Variants in SNTB1 observed in about 807,000 individuals in gnomAD.
SNTB1 encodes the protein syntrophin beta 1, also known as beta-1-syntrophin.
In SNTB1, 36 loss-of-function variants were observed where a neutral mutation model predicts 48.9. That is an observed-to-expected ratio of 0.74 (90% CI 0.56 to 0.97). The LOEUF (loss-of-function observed/expected upper bound fraction) is 0.97. Ranked by LOEUF, SNTB1 falls within the 50% of genes least tolerant of loss-of-function variation. The probability of loss-of-function intolerance (pLI) is 0.00; values close to 1 mark genes in which losing one functional copy is unlikely to be tolerated. For synonymous variants in SNTB1, 299 were observed against 294.6 expected (o/e 1.01, Z -0.15); for missense variants, 786 against 703.4 (o/e 1.12, Z -1.33).
At chr8:120,716,837 T>C (rs1818566914) in intron 1 of SNTB1, among the ~76,000 whole-genome samples, 1 of 152,208 alleles carries the variant, frequency 6.6e-6, no homozygotes, top group Non-Finnish European at 1.5e-5. Context: ...TGGTTTGGGA[T>C]CTGCAAAATA....
chr8:120,579,978 A>G (rs1291711991), intron 3 of SNTB1, among the ~76,000 whole-genome samples: 1 of 152,208 alleles, frequency 6.6e-6, no homozygotes, highest in Non-Finnish European at 1.5e-5. Context: ...GGCAAGAATT[A>G]CTTGCCTTTG....
At chr8:120,759,332 T>C (rs747457197) in intron 1 of SNTB1, among the ~76,000 whole-genome samples, 19 of 152,154 alleles carry the variant, frequency 1.2e-4, no homozygotes, top group Non-Finnish European at 2.2e-4. Flanking sequence ...AACCTAGAAA[T>C]GTCCAAGCAT....
chr8:120,811,591 G>T lies in SNTB1; in HGVS notation c.253C>A (p.Pro85Thr). ...GHPGAGGAQPPDSPAGVRTAF... is the reference protein window; with the variant it reads ...GHPGAGGAQPTDSPAGVRTAF... ...GTGCGGACCCCGGCGGGCGAGTCCG[G>T]GGGCTGCGCGCCGCCCGCGCCCGGG... Residue 85 changes from proline (P) to threonine (T), a missense_variant, in exon 1 of 7, where the codon CCG becomes ACG. Physicochemically the swap from Pro to Thr is conservative, Grantham distance 38 (BLOSUM62 -1). Transcript: ENST00000517992. 1 of 1,566,326 alleles carries T rather than the reference G, an allele frequency of 6.4e-7. No homozygotes were observed.
intron 1 of SNTB1, among the ~76,000 whole-genome samples, chr8:120,705,051 C>T (rs2129901245): frequency 6.6e-6 from 1 of 152,278 alleles, no homozygotes; most frequent in South Asian, 2.1e-4. Context: ...TCAGCCTATA[C>T]CTGAAGTTCT....
intron 1 of SNTB1, among the ~76,000 whole-genome samples, chr8:120,727,984 C>T (rs759211809): frequency 4.6e-5 from 7 of 152,062 alleles, no homozygotes; most frequent in East Asian, 1.9e-4. Context: ...CCCTCTTGCA[C>T]GTTGCCTTTG....
At chr8:120,644,161 CT>C (rs60428616) in intron 2 of SNTB1, among the ~76,000 whole-genome samples, 16 of 147,570 alleles carry the variant, frequency 1.1e-4, no homozygotes, top group Admixed American at 2.0e-4. Context: ...GGAAATCATT[CT>C]TTTTTTTTTT....
chr8:120,584,438 CAAAAAAAAAA>C (rs11443743), intron 3 of SNTB1, among the ~76,000 whole-genome samples: 16 of 57,082 alleles, frequency 2.8e-4, no homozygotes, highest in Admixed American at 1.5e-3. Flanking sequence ...AACTCCATCT[CAAAAAAAAAA>C]AAAAAAAAAA....
intron 1 of SNTB1, among the ~76,000 whole-genome samples, chr8:120,735,071 G>A (rs1818920054): frequency 6.6e-6 from 1 of 152,196 alleles, no homozygotes; most frequent in South Asian, 2.1e-4. Flanking sequence ...TGTACATTTT[G>A]TGTCTTATGA....
At position 120,578,845 on chromosome 8, in the gene SNTB1, C is replaced by T. The variant is rs980878071; in HGVS notation, c.997-3620G>A. ...TTCCAAACTCTTTAAATTCAATGATCTCTCTGTTCAGATTAAGTCACAAGT... is the reference window on the plus strand; with the variant it reads ...TTCCAAACTCTTTAAATTCAATGATTTCTCTGTTCAGATTAAGTCACAAGT... On this transcript the variant is annotated intron_variant, in intron 3 of 6. Coordinates refer to ENST00000517992, the MANE Select transcript of SNTB1 (RefSeq NM_021021.4). Among the ~76,000 whole-genome samples the T allele has an allele frequency of 9.1e-4, 139 of 152,306 alleles. 1 individual carries two copies. Among genetic ancestry groups the T allele is most frequent in the African/African-American group, 3.1e-3 (130 of 41,562 alleles).
At chr8:120,545,340 G>A (rs533542904) in intron 5 of SNTB1, among the ~76,000 whole-genome samples, 14 of 152,126 alleles carry the variant, frequency 9.2e-5, no homozygotes, top group East Asian at 1.9e-4. Flanking sequence ...GTAAAACTCC[G>A]TTTCAAAACA....
At chr8:120,808,108 T>G (rs1393766882) in intron 1 of SNTB1, among the ~76,000 whole-genome samples, 1 of 151,934 alleles carries the variant, frequency 6.6e-6, no homozygotes, top group Non-Finnish European at 1.5e-5. Flanking sequence ...CAAGACAGGG[T>G]TTCACCATGT....
intron 4 of SNTB1, among the ~76,000 whole-genome samples, chr8:120,562,120 A>G (rs994133426): frequency 6.6e-6 from 1 of 152,242 alleles, no homozygotes; most frequent in Non-Finnish European, 1.5e-5. Context: ...AAATATGTCA[A>G]AGTACTTACT....
In SNTB1 at chr8:120,537,667, A is replaced by C. The variant is rs565436736; in HGVS notation, c.*1210T>G. 13 of 152,348 alleles carry C rather than the reference A, an allele frequency of 8.5e-5. No homozygotes were observed. The highest frequency in any genetic ancestry group is 1.8e-4 in the Non-Finnish European group (12 of 68,040). 9.4% of individuals were successfully genotyped at this position (152,348 alleles called of 1,614,324 possible). ...TTCAAGGTTTGAGAAAAGTGACTTC[A>C]AAATCAATAGGTGTTATTTTTAGTG... On this transcript the variant is annotated 3_prime_UTR_variant, in exon 7 of 7. Transcript: ENST00000517992.
chr8:120,643,296 T>G (rs2129679855), intron 2 of SNTB1, among the ~76,000 whole-genome samples: 1 of 152,334 alleles, frequency 6.6e-6, no homozygotes, highest in Non-Finnish European at 1.5e-5. Flanking sequence ...TCAATAGTTT[T>G]GGGGGAACAG....
intron 2 of SNTB1, among the ~76,000 whole-genome samples, chr8:120,648,573 G>A (rs1439751142): frequency 3.9e-5 from 6 of 151,922 alleles, no homozygotes; most frequent in East Asian, 1.9e-4. Flanking sequence ...AGGGTAACCC[G>A]ACCTTTCTCT....
chr8:120,804,792 A>C (rs1820300024), intron 1 of SNTB1, among the ~76,000 whole-genome samples: 1 of 152,064 alleles, frequency 6.6e-6, no homozygotes, highest in African/African-American at 2.4e-5. Context: ...TGAAGGTCAC[A>C]TTCTGCCCTC....
At chr8:120,610,264 G>A (rs1208900045) in intron 3 of SNTB1, among the ~76,000 whole-genome samples, 1 of 152,146 alleles carries the variant, frequency 6.6e-6, no homozygotes, top group East Asian at 1.9e-4. Context: ...AGCCTCCCAG[G>A]TAGCTCGGAT....
At chr8:120,622,423 T>A (rs1041523634) in intron 3 of SNTB1, among the ~76,000 whole-genome samples, 5 of 150,992 alleles carry the variant, frequency 3.3e-5, no homozygotes, top group Admixed American at 2.0e-4. Flanking sequence ...CTTGAGAGAG[T>A]TTCAGGATGG....
chr8:120,626,892 G>C (rs376618755), intron 3 of SNTB1, among the ~76,000 whole-genome samples: 13 of 152,160 alleles, frequency 8.5e-5, no homozygotes, highest in African/African-American at 3.1e-4. Context: ...AGCTATTTCT[G>C]CTATCATTCC....
Sources: allele counts gnomAD v4.1 joint callset (sites outside exome capture counted in the v4.1 genomes callset), GRCh38; gene constraint gnomAD v4.1.1; transcripts MANE v1.5; gene names NCBI Gene and HGNC (gene_info 2026-07-23, HGNC 2026-07-21).